STARD13: variants seen among roughly 807,000 people sequenced by gnomAD.
STARD13 encodes the protein StAR related lipid transfer domain containing 13.
STARD13 carries 62 observed loss-of-function variants against 106.4 expected under a neutral mutation model. The observed-to-expected ratio is 0.58, with a 90% CI of 0.48 to 0.72. STARD13 has a LOEUF of 0.72. Ranked by LOEUF, STARD13 falls within the 30% of genes least tolerant of loss-of-function variation. The pLI, the probability that STARD13 is intolerant of heterozygous loss-of-function variation, is 0.00. For synonymous variants in STARD13, 565 were observed against 553.0 expected (o/e 1.02, Z -0.31); for missense variants, 1,387 against 1,424.0 (o/e 0.97, Z 0.42).
At chr13:33,526,949 T>C in the STARD13 span, among the ~76,000 whole-genome samples, 1 of 152,116 alleles carries the variant, frequency 6.6e-6, no homozygotes, top group African/African-American at 2.4e-5. Flanking sequence ...GTTTGAAGTG[T>C]TGTTTTTAGA....
the STARD13 span, among the ~76,000 whole-genome samples, chr13:33,448,043 A>T: frequency 6.6e-6 from 1 of 152,152 alleles, no homozygotes; most frequent in South Asian, 2.1e-4. Context: ...AAACTAAATT[A>T]TCGTTATTAT....
At chr13:33,484,145 C>G in the STARD13 span, among the ~76,000 whole-genome samples, 1 of 152,218 alleles carries the variant, frequency 6.6e-6, no homozygotes, top group African/African-American at 2.4e-5. Flanking sequence ...AACCTCCAAA[C>G]TGCCCTTGGT....
At chr13:33,202,453 T>C (rs535649261) in intron 1 of STARD13, among the ~76,000 whole-genome samples, 1 of 152,306 alleles carries the variant, frequency 6.6e-6, no homozygotes, top group East Asian at 1.9e-4. Flanking sequence ...TCTCATTCAC[T>C]TGACAAACAT....
the STARD13 span, among the ~76,000 whole-genome samples, chr13:33,673,555 T>C: frequency 6.6e-5 from 10 of 150,392 alleles, no homozygotes; most frequent in Non-Finnish European, 1.5e-4. Context: ...TAACTCTTTT[T>C]TTTTTTGAGA....
At chr13:33,298,847 C>T (rs1457001668) in intron 1 of STARD13, among the ~76,000 whole-genome samples, 1 of 152,146 alleles carries the variant, frequency 6.6e-6, no homozygotes, top group East Asian at 1.9e-4. Flanking sequence ...TGCACAGATC[C>T]AATCTCCAGA....
rs1438200961 is a variant in STARD13 at position 33,298,459 on chromosome 13, G to A, written c.124+51831C>T. ...ATCCCCATCTACACTTAATGCCACA[G>A]AACGTTCAGCTTCTCAGGAGACCAC... On this transcript the variant is annotated intron_variant, in intron 1 of 5. Coordinates refer to the STARD13 transcript ENST00000567873. 2.6e-5 allele frequency among the ~76,000 whole-genome samples: 4 copies of A among 151,894 alleles called. No individual in the cohort carries two copies. In the South Asian group the frequency reaches 6.2e-4, roughly 24 times the overall value.
At chr13:33,270,713 A>G (rs1891117834) in intron 1 of STARD13, among the ~76,000 whole-genome samples, 1 of 152,078 alleles carries the variant, frequency 6.6e-6, no homozygotes, top group East Asian at 1.9e-4. Context: ...TGTTCTACTT[A>G]AGGCTCATAT....
the STARD13 span, among the ~76,000 whole-genome samples, chr13:33,475,563 G>C: frequency 6.6e-6 from 1 of 152,134 alleles, no homozygotes; most frequent in Non-Finnish European, 1.5e-5. Flanking sequence ...ATAATCTAGA[G>C]AGCTACAAGA....
At chr13:33,309,351 G>A (rs1893045970) in intron 1 of STARD13, among the ~76,000 whole-genome samples, 1 of 152,150 alleles carries the variant, frequency 6.6e-6, no homozygotes, top group African/African-American at 2.4e-5. Context: ...CGGCAGAGCT[G>A]GAAGTAGGGA....
rs1320261891 is a variant in STARD13, at chr13:33,127,418, G to A, written c.1877C>T (p.Ala626Val). The A allele has an allele frequency of 1.9e-6, 3 of 1,605,192 alleles. No individual in the cohort carries two copies. The South Asian group carries it at 3.3e-5, about 18-fold the overall frequency. Residue 626 changes from alanine (A) to valine (V), a missense_variant, in exon 6 of 14, where the codon GCC becomes GTC. By Grantham distance (64) the Ala-to-Val change is moderately conservative. Transcript: ENST00000336934. Reference sequence around the variant, plus strand: ...GGACATGGAGTGCTTCTCCATGATGGCCGTGAGGCGGAGCAGTGAGAAGCG... The same window carrying A: ...GGACATGGAGTGCTTCTCCATGATGACCGTGAGGCGGAGCAGTGAGAAGCG... ...LQRFSLLRLTAIMEKHSMSNK... is the reference protein window; with the variant it reads ...LQRFSLLRLTVIMEKHSMSNK...
Position 33,147,441 on chromosome 13 carries a change from G to A in STARD13, c.324-5068C>T, listed in dbSNP as rs139807615. 2.2e-3 allele frequency among the ~76,000 whole-genome samples: 335 copies of A among 152,274 alleles called. 3 individuals are homozygous for A. Among genetic ancestry groups the A allele is most frequent in the African/African-American group, 7.5e-3 (313 of 41,550 alleles). On this transcript the variant is annotated intron_variant, in intron 3 of 13. Transcript: ENST00000336934. ...CATATTGTAACATGCACAAAGAGCC[G>A]CTCAGCAAAGACTGAGGGATTGGTT...
chr13:33,627,725 C>A, the STARD13 span, among the ~76,000 whole-genome samples: 1 of 152,040 alleles, frequency 6.6e-6, no homozygotes, highest in Admixed American at 6.5e-5. Flanking sequence ...GGTGGAGAGG[C>A]CTCAGTGGTC....
chr13:33,468,451 G>A, the STARD13 span, among the ~76,000 whole-genome samples: 3 of 152,202 alleles, frequency 2.0e-5, no homozygotes, highest in Non-Finnish European at 2.9e-5. Context: ...AGGCTTCATG[G>A]AAGGTGTTTG....
intron 3 of STARD13, among the ~76,000 whole-genome samples, chr13:33,144,865 C>A (rs1566022672): frequency 6.6e-6 from 1 of 152,196 alleles, no homozygotes; most frequent in Non-Finnish European, 1.5e-5. Flanking sequence ...ACAAAACACT[C>A]CATTCTGCTT....
chr13:33,222,399 A>G (rs973120137), intron 1 of STARD13, among the ~76,000 whole-genome samples: 3 of 152,192 alleles, frequency 2.0e-5, no homozygotes, highest in Non-Finnish European at 4.4e-5. Flanking sequence ...AAGAATGTGA[A>G]TAGATTTAAC....
chr13:33,607,790 G>A, the STARD13 span, among the ~76,000 whole-genome samples: 2 of 152,086 alleles, frequency 1.3e-5, no homozygotes, highest in African/African-American at 4.8e-5. Flanking sequence ...AATATTATTT[G>A]CATTACAATA....
chr13:33,555,187 G>A, the STARD13 span, among the ~76,000 whole-genome samples: 410 of 152,304 alleles, frequency 2.7e-3, 1 homozygote, highest in Non-Finnish European at 4.2e-3. Flanking sequence ...CTAGGTGTTA[G>A]GTGCCCTCTC....
the STARD13 span, among the ~76,000 whole-genome samples, chr13:33,662,886 G>A: frequency 6.6e-6 from 1 of 152,090 alleles, no homozygotes; most frequent in African/African-American, 2.4e-5. Context: ...AAAAAAATTT[G>A]GTTTCCATAG....
chr13:33,492,870 G>A, the STARD13 span, among the ~76,000 whole-genome samples: 3 of 151,804 alleles, frequency 2.0e-5, no homozygotes, highest in Non-Finnish European at 4.4e-5. Context: ...ACTCTCTCTT[G>A]GGGTCTGGAT....
Sources: allele counts gnomAD v4.1 joint callset (sites outside exome capture counted in the v4.1 genomes callset), GRCh38; gene constraint gnomAD v4.1.1; transcripts MANE v1.5; gene names NCBI Gene and HGNC (gene_info 2026-07-23, HGNC 2026-07-21).